Variants in NTM observed in about 807,000 individuals in gnomAD.
The protein encoded by NTM is neurotrimin, also known as IgLON family member 2.
In NTM, 13 loss-of-function variants were observed where a neutral mutation model predicts 42.1. The ratio of observed to expected loss-of-function variants is 0.31; its 90% CI spans 0.20 to 0.49. The LOEUF is 0.49. Ranked by LOEUF, NTM falls within the 20% of genes least tolerant of loss-of-function variation. NTM has a pLI of 0.99. For synonymous variants in NTM, 187 were observed against 179.2 expected (o/e 1.04, Z -0.35); for missense variants, 373 against 452.8 (o/e 0.82, Z 1.60).
At chr11:131,996,109 A>G (rs2067961632) in intron 2 of NTM, among the ~76,000 whole-genome samples, 1 of 152,184 alleles carries the variant, frequency 6.6e-6, no homozygotes, top group African/African-American at 2.4e-5. Flanking sequence ...GGCCAGTTTC[A>G]GGGGGACTGC....
At chr11:131,857,676 C>T (rs977000646) in intron 1 of NTM, among the ~76,000 whole-genome samples, 1 of 152,174 alleles carries the variant, frequency 6.6e-6, no homozygotes, top group African/African-American at 2.4e-5. Flanking sequence ...TCTCCCTCAC[C>T]CTCACTAAAT....
intron 2 of NTM, among the ~76,000 whole-genome samples, chr11:132,089,180 G>C (rs1017694668): frequency 6.6e-6 from 1 of 152,136 alleles, no homozygotes; most frequent in African/African-American, 2.4e-5. Context: ...CAACAAGCAG[G>C]GTGCTCTGAG....
intron 1 of NTM, among the ~76,000 whole-genome samples, chr11:131,849,781 T>C (rs1592262288): frequency 7.9e-6 from 1 of 127,336 alleles, no homozygotes; most frequent in Admixed American, 9.0e-5. Context: ...TGAGAATACA[T>C]GGACACAGGA....
rs147037480 is a variant in NTM at position 132,220,174 on chromosome 11, A to G, written c.526+8027A>G. Among the ~76,000 whole-genome samples, 850 of 152,352 alleles carry G rather than the reference A, an allele frequency of 5.6e-3. 6 individuals are homozygous for G. Among genetic ancestry groups the G allele is most frequent in the African/African-American group, 0.017 (718 of 41,584 alleles). On this transcript the variant is annotated intron_variant, in intron 4 of 8. Coordinates refer to ENST00000683400, the MANE Select transcript of NTM (RefSeq NM_001352005.2). ...TGTGAAACATAGAGCATTAGGTTCAATATATACAGAAAAAAAGGGATTAAT... is the reference window on the plus strand; with the variant it reads ...TGTGAAACATAGAGCATTAGGTTCAGTATATACAGAAAAAAAGGGATTAAT...
chr11:132,310,086 G>A (rs371987463), intron 5 of NTM, 26 bp from the exon 6 acceptor site: 79 of 1,555,120 alleles, frequency 5.1e-5, no homozygotes, highest in African/African-American at 8.5e-5. Flanking sequence ...GTGGGGGGGC[G>A]GCTATGAGAC....
intron 1 of NTM, among the ~76,000 whole-genome samples, chr11:131,704,688 A>G (rs553713942): frequency 6.6e-6 from 1 of 152,240 alleles, no homozygotes; most frequent in African/African-American, 2.4e-5. Context: ...AATAATCTTA[A>G]AGAAGTGCAG....
chr11:131,826,044 G>A (rs779355587), intron 1 of NTM, among the ~76,000 whole-genome samples: 29 of 152,142 alleles, frequency 1.9e-4, no homozygotes, highest in Non-Finnish European at 3.7e-4. Context: ...AGTATAAAGT[G>A]GAGAGAGCCT....
chr11:132,081,755 G>C (rs1455901001), intron 2 of NTM, among the ~76,000 whole-genome samples: 7 of 151,342 alleles, frequency 4.6e-5, no homozygotes, highest in African/African-American at 1.5e-4. Flanking sequence ...AGCCAGACTG[G>C]CTCTTTAAAT....
chr11:132,299,892 A>C (rs73599300), intron 4 of NTM, among the ~76,000 whole-genome samples: 1 of 152,098 alleles, frequency 6.6e-6, no homozygotes, highest in Admixed American at 6.6e-5. Flanking sequence ...AACTATGTGT[A>C]ATATATATGT....
At chr11:131,784,746 G>T (rs60463891) in intron 1 of NTM, among the ~76,000 whole-genome samples, 2 of 152,114 alleles carry the variant, frequency 1.3e-5, no homozygotes, top group Non-Finnish European at 2.9e-5. Context: ...TTAAGTGGTC[G>T]CATTTTATCA....
At chr11:131,950,881 T>C (rs2060909610) in intron 2 of NTM, among the ~76,000 whole-genome samples, 1 of 152,228 alleles carries the variant, frequency 6.6e-6, no homozygotes, top group Admixed American at 6.5e-5. Context: ...CGTTGCCATG[T>C]CTTAGAACTC....
At chr11:132,033,490 G>A (rs969945122) in intron 2 of NTM, among the ~76,000 whole-genome samples, 1 of 152,192 alleles carries the variant, frequency 6.6e-6, no homozygotes, top group African/African-American at 2.4e-5. Flanking sequence ...TAAATAGAAT[G>A]AGAATTGCAG....
At chr11:132,215,238 T>C (rs995362197) in intron 4 of NTM, among the ~76,000 whole-genome samples, 5 of 152,224 alleles carry the variant, frequency 3.3e-5, no homozygotes, top group Non-Finnish European at 7.3e-5. Flanking sequence ...CTTTCTTACA[T>C]GCGAACCTGC....
chr11:131,903,808 A>G (rs2053488542), intron 1 of NTM, among the ~76,000 whole-genome samples: 1 of 152,212 alleles, frequency 6.6e-6, no homozygotes, highest in Non-Finnish European at 1.5e-5. Flanking sequence ...CTGGAATTCC[A>G]GACCCTGGAT....
intron 2 of NTM, among the ~76,000 whole-genome samples, chr11:132,100,231 G>C (rs1487747882): frequency 6.6e-6 from 1 of 152,234 alleles, no homozygotes; most frequent in Non-Finnish European, 1.5e-5. Flanking sequence ...GCAGTCACTC[G>C]TGGGAGCAAT....
chr11:131,543,479 G>A lies in NTM; in HGVS notation c.82+172591G>A, dbSNP rs2053544661. Among the ~76,000 whole-genome samples, 3 of 152,196 alleles carry A rather than the reference G, an allele frequency of 2.0e-5. No homozygotes were observed. In the South Asian group the frequency reaches 6.2e-4, roughly 31 times the overall value. The stretch of plus-strand genomic sequence containing the variant: ...AAGGGCAACAGGACACTGATCCACT[G>A]TCTTGTAAAGGAAGTTGTGTTCAGT... On this transcript the variant is annotated intron_variant, in intron 1 of 8. Transcript: ENST00000683400.
intron 1 of NTM, among the ~76,000 whole-genome samples, chr11:131,697,097 C>T: frequency 6.6e-6 from 1 of 152,274 alleles, no homozygotes; most frequent in Middle Eastern, 3.4e-3. Context: ...GTGGAATTGC[C>T]ATGTAATTGT....
chr11:131,627,695 CTGGT>C (rs2063261100), intron 1 of NTM, among the ~76,000 whole-genome samples: 1 of 151,914 alleles, frequency 6.6e-6, no homozygotes, highest in South Asian at 2.1e-4. Flanking sequence ...CACAGGCATG[CTGGT>C]GCATGCCTGT....
intron 2 of NTM, among the ~76,000 whole-genome samples, chr11:132,126,318 T>C (rs1032886416): frequency 6.6e-6 from 1 of 152,134 alleles, no homozygotes; most frequent in Admixed American, 6.5e-5. Context: ...CCACGGACAA[T>C]GCTGAGGGTG....
Sources: gnomAD v4.1 joint callset for allele counts (sites outside exome capture counted in the v4.1 genomes callset) on GRCh38, gnomAD v4.1.1 for gene constraint, MANE v1.5 for transcripts, NCBI Gene and HGNC (gene_info 2026-07-23, HGNC 2026-07-21) for gene names.